The following WWOX variants were observed in gnomAD, a reference collection of about 807,000 sequenced individuals.
WWOX encodes the protein WW domain containing oxidoreductase.
A neutral mutation model predicts 46.2 loss-of-function variants in WWOX; 69 were observed. That is an observed-to-expected ratio of 1.49 (90% CI 1.23 to 1.82). The LOEUF (loss-of-function observed/expected upper bound fraction) is 1.82, where lower values mean the gene tolerates loss of function less well. WWOX is among the 40% of genes most tolerant of loss of function. The pLI, the probability that WWOX is intolerant of heterozygous loss-of-function variation, is 0.00. For synonymous variants in WWOX, 359 were observed against 202.6 expected, an observed-to-expected ratio of 1.77 and a Z score of -6.56; for missense variants, 919 against 542.6, an observed-to-expected ratio of 1.69 and a Z score of -6.89.
chr16:79,058,986 C>T (rs931081382), intron 8 of WWOX, among the ~76,000 whole-genome samples: 2 of 152,114 alleles, frequency 1.3e-5, no homozygotes, highest in Non-Finnish European at 2.9e-5. Flanking sequence ...AAAAGGAAAA[C>T]AATGACTATT....
At chr16:78,463,024 G>A (rs986655495) in intron 8 of WWOX, among the ~76,000 whole-genome samples, 22 of 152,188 alleles carry the variant, frequency 1.4e-4, no homozygotes, top group African/African-American at 4.8e-4. Context: ...TATGCACACT[G>A]GCTTTGAGGC....
At chr16:78,228,364 G>C (rs1180269961) in intron 5 of WWOX, among the ~76,000 whole-genome samples, 4 of 132,378 alleles carry the variant, frequency 3.0e-5, no homozygotes, top group African/African-American at 1.2e-4. Flanking sequence ...TTTTTTTGGA[G>C]ATGGTCTCAC....
chr16:78,778,370 C>T (rs985948385), intron 8 of WWOX, among the ~76,000 whole-genome samples: 1 of 152,136 alleles, frequency 6.6e-6, no homozygotes, highest in South Asian at 2.1e-4. Context: ...GGTAAAGGAA[C>T]GAGGTGACAG....
intron 8 of WWOX, among the ~76,000 whole-genome samples, chr16:78,519,863 A>C (rs2043311843): frequency 1.3e-5 from 2 of 152,048 alleles, no homozygotes; most frequent in Admixed American, 1.3e-4. Context: ...TAAATTTGTT[A>C]CTCATAAGCC....
intron 8 of WWOX, among the ~76,000 whole-genome samples, chr16:78,829,010 T>C (rs1418495409): frequency 6.6e-6 from 1 of 152,208 alleles, no homozygotes; most frequent in Non-Finnish European, 1.5e-5. Flanking sequence ...CTTGGACTTC[T>C]TCTCCTTGCC....
At chr16:79,004,399 C>T (rs1427651402) in intron 8 of WWOX, 1 of 152,200 alleles carries the variant, frequency 6.6e-6, no homozygotes. Flanking sequence ...TTTCCATTGG[C>T]CCTGGAGTGG....
chr16:78,794,524 C>G (rs547045276), intron 8 of WWOX, among the ~76,000 whole-genome samples: 1 of 152,268 alleles, frequency 6.6e-6, no homozygotes, highest in Admixed American at 6.5e-5. Flanking sequence ...CCAATTTTCT[C>G]ATCCAAAAAA....
chr16:78,626,233 T>C (rs2046308696), intron 8 of WWOX, among the ~76,000 whole-genome samples: 1 of 151,954 alleles, frequency 6.6e-6, no homozygotes, highest in Non-Finnish European at 1.5e-5. Context: ...CAGGTTTAAG[T>C]GATTCTCCTG....
At chr16:78,422,682 TATACACAC>T (rs1366740017) in intron 6 of WWOX, among the ~76,000 whole-genome samples, 1 of 74,460 alleles carries the variant, frequency 1.3e-5, no homozygotes, top group Non-Finnish European at 2.4e-5. Flanking sequence ...TATATATATA[TATACACAC>T]ACACACACAC....
At chr16:78,305,984 A>T (rs1048882483) in intron 5 of WWOX, among the ~76,000 whole-genome samples, 5 of 152,098 alleles carry the variant, frequency 3.3e-5, no homozygotes, top group Admixed American at 1.3e-4. Flanking sequence ...TCTAATACAG[A>T]TGTCCTTTAC....
chr16:78,412,988 G>A (rs2082717579), intron 6 of WWOX, among the ~76,000 whole-genome samples: 1 of 152,078 alleles, frequency 6.6e-6, no homozygotes, highest in Non-Finnish European at 1.5e-5. Context: ...TTCCTTACCT[G>A]ATGGTCAGAA....
chr16:78,478,837 C>G (rs1020524158), intron 8 of WWOX, among the ~76,000 whole-genome samples: 1 of 152,048 alleles, frequency 6.6e-6, no homozygotes, highest in Non-Finnish European at 1.5e-5. Flanking sequence ...TATTTTTTCT[C>G]TCCCCTTTCC....
At chr16:78,402,342 A>G (rs1201722216) in intron 6 of WWOX, among the ~76,000 whole-genome samples, 1 of 152,152 alleles carries the variant, frequency 6.6e-6, no homozygotes, top group Admixed American at 6.5e-5. Context: ...AAAAAATTCC[A>G]TTATGTAGAT....
chr16:78,474,779 C>T (rs1012463850), intron 8 of WWOX, among the ~76,000 whole-genome samples: 1 of 152,186 alleles, frequency 6.6e-6, no homozygotes. Flanking sequence ...GTCTGCTCTT[C>T]ATCTCCATGC....
chr16:78,983,140 C>A (rs757770772), intron 8 of WWOX, among the ~76,000 whole-genome samples: 3 of 152,124 alleles, frequency 2.0e-5, no homozygotes, highest in Non-Finnish European at 4.4e-5. Flanking sequence ...CTTTTTCCCA[C>A]CAAGGCATCA....
intron 8 of WWOX, among the ~76,000 whole-genome samples, chr16:79,086,258 A>C (rs1442618462): frequency 6.6e-6 from 1 of 152,224 alleles, no homozygotes; most frequent in East Asian, 1.9e-4. Flanking sequence ...AAGTTCAGGC[A>C]ACTTTTCATC....
At chr16:78,959,907 A>G (rs1445328260) in intron 8 of WWOX, among the ~76,000 whole-genome samples, 2 of 152,224 alleles carry the variant, frequency 1.3e-5, no homozygotes, top group Non-Finnish European at 2.9e-5. Context: ...CTGGGCATCA[A>G]GAGTTTCTAG....
At chr16:79,157,119 A>G (rs2050396856) in intron 8 of WWOX, among the ~76,000 whole-genome samples, 1 of 152,230 alleles carries the variant, frequency 6.6e-6, no homozygotes, top group South Asian at 2.1e-4. Context: ...TTCTGTAGAA[A>G]TATTCCTGAT....
chr16:78,556,879 C>A (rs571486410), intron 8 of WWOX, among the ~76,000 whole-genome samples: 1 of 151,812 alleles, frequency 6.6e-6, no homozygotes, highest in Non-Finnish European at 1.5e-5. Flanking sequence ...CCACCAAGCC[C>A]GGCTAAGTTT....
Sources: gnomAD v4.1 joint callset for allele counts (sites outside exome capture counted in the v4.1 genomes callset) on GRCh38, gnomAD v4.1.1 for gene constraint, MANE v1.5 for transcripts, NCBI Gene and HGNC (gene_info 2026-07-23, HGNC 2026-07-21) for gene names.